Variants in RBPJ observed in about 807,000 individuals in gnomAD.
The protein encoded by RBPJ is recombination signal binding protein for immunoglobulin kappa J region, also known as recombining binding protein suppressor of hairless.
In RBPJ, 9 loss-of-function variants were observed where a neutral mutation model predicts 67.8. The ratio of observed to expected loss-of-function variants is 0.13; its 90% confidence interval spans 0.08 to 0.23. RBPJ has a LOEUF of 0.23. Ranked by LOEUF, RBPJ falls within the 10% of genes least tolerant of loss-of-function variation. The pLI is 1.00. For synonymous variants in RBPJ, 198 were observed against 203.3 expected, an observed-to-expected ratio of 0.97 and a Z score of 0.22; for missense variants, 305 against 595.6, an observed-to-expected ratio of 0.51 and a Z score of 5.08.
chr4:26,315,470 G>T (rs1722581555), upstream of RBPJ, among the ~76,000 whole-genome samples: 1 of 151,950 alleles, frequency 6.6e-6, no homozygotes, highest in East Asian at 1.9e-4. Flanking sequence ...TACTTCAAAC[G>T]GCAAAAAGGA....
chr4:26,316,827 C>CTTTTTTTTTTTT (rs56130072), upstream of RBPJ, among the ~76,000 whole-genome samples: 5 of 71,396 alleles, frequency 7.0e-5, 2 homozygotes, highest in African/African-American at 1.1e-4. Flanking sequence ...ACCCAGACGA[C>CTTTTTTTTTTTT]TTTTTTTTTT....
At position 26,293,450 on chromosome 4, in the gene RBPJ, A is replaced by G. The variant is rs1475791352; in HGVS notation, c.-166-68996A>G. On this transcript the variant is annotated intron_variant, in intron 1 of 4. Coordinates refer to the RBPJ transcript ENST00000512351. ...GGAGTTCAAGGGCAGCCTGGGCAAC[A>G]TAGTGAGATCCTGTCCTCACAAAAA... 1.3e-5 allele frequency among the ~76,000 whole-genome samples: 2 copies of G among 149,922 alleles called. 1 individual carries two copies. Among genetic ancestry groups the G allele is most frequent in the East Asian group, 4.0e-4 (2 of 5,022 alleles).
intron 2 of RBPJ, among the ~76,000 whole-genome samples, chr4:26,390,870 C>A (rs1198600613): frequency 6.6e-6 from 1 of 152,130 alleles, no homozygotes; most frequent in Admixed American, 6.5e-5. Flanking sequence ...GCTTGGGCAA[C>A]CAAGTGAGAC....
intron 1 of RBPJ, among the ~76,000 whole-genome samples, chr4:26,225,469 C>A (rs1318747007): frequency 1.3e-5 from 2 of 152,022 alleles, no homozygotes; most frequent in Non-Finnish European, 2.9e-5. Context: ...GATGAACAGG[C>A]AGAGCACAGA....
intron 1 of RBPJ, chr4:26,272,625 T>C: frequency 2.3e-6 from 1 of 441,910 alleles, no homozygotes; most frequent in South Asian, 1.7e-5. Flanking sequence ...ACTACAGATT[T>C]GGTTGCAGAT....
chr4:26,360,228 A>C (rs1727893547), intron 1 of RBPJ, among the ~76,000 whole-genome samples: 1 of 152,206 alleles, frequency 6.6e-6, no homozygotes, highest in South Asian at 2.1e-4. Context: ...TTAGATTCTT[A>C]ATATCATTTA....
chr4:26,178,203 T>C (rs1716862169), intron 1 of RBPJ, among the ~76,000 whole-genome samples: 1 of 152,214 alleles, frequency 6.6e-6, no homozygotes, highest in South Asian at 2.1e-4. Context: ...TCTTAGGTTT[T>C]CTGTTTTACC....
chr4:26,166,748 T>A (rs1168861313), intron 1 of RBPJ, among the ~76,000 whole-genome samples: 1 of 152,212 alleles, frequency 6.6e-6, no homozygotes, highest in Non-Finnish European at 1.5e-5. Flanking sequence ...CAATTTTGGC[T>A]CGTTGCCATT....
At chr4:26,151,830 C>T in the RBPJ span, among the ~76,000 whole-genome samples, 61 of 152,338 alleles carry the variant, frequency 4.0e-4, no homozygotes, top group African/African-American at 1.3e-3. Context: ...TCTTTTTCTT[C>T]GCAAATAAGT....
intron 1 of RBPJ, among the ~76,000 whole-genome samples, chr4:26,362,135 T>A (rs1728127209): frequency 6.6e-6 from 1 of 152,166 alleles, no homozygotes; most frequent in Admixed American, 6.5e-5. Context: ...AGAATAGTGG[T>A]CGTTGAGAAG....
chr4:26,329,726 C>T (rs1443803448), intron 1 of RBPJ, among the ~76,000 whole-genome samples: 3 of 152,032 alleles, frequency 2.0e-5, no homozygotes, highest in Non-Finnish European at 4.4e-5. Context: ...AACCCTGTCT[C>T]TACTAAAAAT....
chr4:26,312,834 G>T (rs944390904), intron 1 of RBPJ, among the ~76,000 whole-genome samples: 2 of 152,206 alleles, frequency 1.3e-5, no homozygotes, highest in Non-Finnish European at 2.9e-5. Context: ...GCAGTGGTAG[G>T]TAATCTAAAC....
chr4:26,329,406 A>G (rs1723997034), intron 1 of RBPJ, among the ~76,000 whole-genome samples: 1 of 152,202 alleles, frequency 6.6e-6, no homozygotes, highest in Non-Finnish European at 1.5e-5. Flanking sequence ...TGGTGGGCCT[A>G]GGAATGAATA....
intron 7 of RBPJ, among the ~76,000 whole-genome samples, chr4:26,427,746 A>G (rs1577676409): frequency 6.6e-6 from 1 of 152,186 alleles, no homozygotes; most frequent in Non-Finnish European, 1.5e-5. Flanking sequence ...TTGCAGAAAA[A>G]CAGGTAGTGA....
At chr4:26,339,589 G>A (rs759271012) in intron 1 of RBPJ, among the ~76,000 whole-genome samples, 2 of 151,882 alleles carry the variant, frequency 1.3e-5, no homozygotes, top group Admixed American at 1.3e-4. Context: ...AGCTGAGATC[G>A]TGCCACTGCC....
chr4:26,431,321 A>ATGTGGG lies in RBPJ; in HGVS notation c.*319_*320insGTGTGG, dbSNP rs1736218308. 4.0e-6 allele frequency: 1 copy of ATGTGGG among 253,072 alleles called. No individual in the cohort carries two copies. The highest frequency in any genetic ancestry group is 5.0e-5 in the Admixed American group (1 of 20,050). The allele number at this position is 253,072 out of a possible 1,614,324, so 15.7% of individuals were successfully genotyped here. On this transcript the variant is annotated 3_prime_UTR_variant, in exon 11 of 11. Coordinates refer to ENST00000355476, the MANE Select transcript of RBPJ (RefSeq NM_015874.6). ...TGTTTAAATGGGCAAGAAGTAAATA[A>ATGTGGG]TGTGGCTGGAATACAAGTTGAACAA...
chr4:26,158,992 C>T (rs981818919), upstream of RBPJ, among the ~76,000 whole-genome samples: 3 of 113,918 alleles, frequency 2.6e-5, no homozygotes, highest in African/African-American at 9.7e-5. Flanking sequence ...TCAATTTAGT[C>T]CCTTTCAGAA....
intron 1 of RBPJ, among the ~76,000 whole-genome samples, chr4:26,175,331 C>A (rs1716755938): frequency 6.6e-6 from 1 of 151,966 alleles, no homozygotes; most frequent in Non-Finnish European, 1.5e-5. Context: ...GGAGAGCAGA[C>A]CTGCCACCTG....
intron 2 of RBPJ, among the ~76,000 whole-genome samples, chr4:26,394,356 T>C (rs1731882787): frequency 6.6e-6 from 1 of 152,090 alleles, no homozygotes; most frequent in Admixed American, 6.6e-5. Context: ...TTTACAAAAA[T>C]TACATTCTTT....
Sources: allele counts gnomAD v4.1 joint callset (sites outside exome capture counted in the v4.1 genomes callset), GRCh38; gene constraint gnomAD v4.1.1; transcripts MANE v1.5; gene names NCBI Gene and HGNC (gene_info 2026-07-23, HGNC 2026-07-21).